DNAH11: variants seen among roughly 807,000 people sequenced by gnomAD.
DNAH11 encodes the protein axonemal beta dynein heavy chain 11.
DNAH11 carries 442 observed loss-of-function variants against 526.0 expected under a neutral mutation model. That is an observed-to-expected ratio of 0.84 (90% CI 0.78 to 0.91). DNAH11 has a LOEUF of 0.91. Among genes scored for constraint, DNAH11 ranks in the 40% least tolerant of loss-of-function variants. The pLI is 0.00. For missense variants in DNAH11, 6,989 were observed against 5,448.7 expected, an observed-to-expected ratio of 1.28 and a Z score of -8.90; for synonymous variants, 2,461 against 1,935.9, an observed-to-expected ratio of 1.27 and a Z score of -7.12.
At chr7:21,634,638 A>C (rs747715757) in intron 25 of DNAH11, among the ~76,000 whole-genome samples, 8 of 152,172 alleles carry the variant, frequency 5.3e-5, no homozygotes, top group Non-Finnish European at 1.0e-4. Context: ...AAAGAAGGGA[A>C]TGATACACAC....
chr7:21,716,911 A>T (rs1237596067), intron 42 of DNAH11, among the ~76,000 whole-genome samples: 1 of 152,224 alleles, frequency 6.6e-6, no homozygotes, highest in Non-Finnish European at 1.5e-5. Context: ...GCCGTTTGTC[A>T]GATAATCATC....
chr7:21,590,055 T>C (rs978009994), intron 12 of DNAH11, among the ~76,000 whole-genome samples: 1 of 152,194 alleles, frequency 6.6e-6, no homozygotes, highest in African/African-American at 2.4e-5. Flanking sequence ...ACAGGTCTTT[T>C]GTTAATGCAT....
intron 61 of DNAH11, among the ~76,000 whole-genome samples, chr7:21,800,490 G>C (rs1482279194): frequency 1.3e-5 from 2 of 152,016 alleles, no homozygotes; most frequent in African/African-American, 4.8e-5. Context: ...AAATTAGCCG[G>C]GTGTGGTGGT....
At chr7:21,620,660 C>T (rs1160627994) in intron 25 of DNAH11, among the ~76,000 whole-genome samples, 2 of 150,676 alleles carry the variant, frequency 1.3e-5, no homozygotes, top group African/African-American at 4.9e-5. Context: ...GTGTGCTGCA[C>T]CCATTAACTC....
At chr7:21,877,099 T>G (rs755427739) in intron 74 of DNAH11, among the ~76,000 whole-genome samples, 11 of 152,234 alleles carry the variant, frequency 7.2e-5, no homozygotes, top group African/African-American at 2.4e-5. Flanking sequence ...GTTACCCATA[T>G]GGGTTAGGTA....
At chr7:21,728,409 C>G (rs1454857446) in intron 45 of DNAH11, among the ~76,000 whole-genome samples, 2 of 151,908 alleles carry the variant, frequency 1.3e-5, no homozygotes, top group African/African-American at 4.8e-5. Context: ...AGGCAACCCA[C>G]CACCATGCCC....
At position 21,654,080 on chromosome 7, in the gene DNAH11, AT is replaced by A. The variant is rs374988669; in HGVS notation, c.4945-1745del. Among the ~76,000 whole-genome samples, 1,290 of 151,968 alleles carry A rather than the reference AT, an allele frequency of 8.5e-3. 47 individuals are homozygous for A. The highest frequency in any genetic ancestry group is 0.08 in the South Asian group (386 of 4,806). On this transcript the variant is annotated intron_variant, in intron 28 of 81. Coordinates refer to ENST00000409508, the MANE Select transcript of DNAH11 (RefSeq NM_001277115.2). ...TTCTGGTTATCAGCAGCTCATATTT[AT>A]TTTTTTCTGTTGAGGTGAAATTTAA...
At chr7:21,665,445 G>C (rs569413616) in intron 30 of DNAH11, among the ~76,000 whole-genome samples, 55 of 152,180 alleles carry the variant, frequency 3.6e-4, no homozygotes, top group Non-Finnish European at 7.2e-4. Flanking sequence ...AAAATTGCTA[G>C]ATCAAAGCCT....
chr7:21,773,642 G>C, intron 55 of DNAH11, 124 bp from the exon 56 acceptor site: 1 of 721,702 alleles, frequency 1.4e-6, no homozygotes, highest in Non-Finnish European at 2.2e-6. Flanking sequence ...ATAAGTTTTC[G>C]TAGGTTATAC....
At chr7:21,713,581 T>C (rs1784541527) in intron 42 of DNAH11, among the ~76,000 whole-genome samples, 1 of 152,184 alleles carries the variant, frequency 6.6e-6, no homozygotes, top group African/African-American at 2.4e-5. Context: ...GGCATGGTAC[T>C]GTCCCTTCCA....
intron 35 of DNAH11, among the ~76,000 whole-genome samples, chr7:21,693,245 C>A (rs551991199): frequency 6.6e-6 from 1 of 152,198 alleles, no homozygotes; most frequent in East Asian, 1.9e-4. Context: ...CTCCTTTATT[C>A]TGTTAATGTG....
intron 44 of DNAH11, among the ~76,000 whole-genome samples, chr7:21,725,595 A>C (rs765083925): frequency 6.6e-6 from 1 of 152,220 alleles, no homozygotes; most frequent in Non-Finnish European, 1.5e-5. Flanking sequence ...AATTTGCATA[A>C]TACGTTGTCA....
chr7:21,561,026 C>A (rs746409984), intron 4 of DNAH11, 45 bp from the exon 5 acceptor site: 1 of 1,325,238 alleles, frequency 7.5e-7, no homozygotes, highest in Non-Finnish European at 1.1e-6. Flanking sequence ...ATTTAGTAAT[C>A]GAGTTTATAT....
chr7:21,756,845 T>C (rs1167400859), intron 54 of DNAH11, among the ~76,000 whole-genome samples: 1 of 152,240 alleles, frequency 6.6e-6, no homozygotes, highest in East Asian at 1.9e-4. Flanking sequence ...AGCATCTTTA[T>C]AATAATTGAC....
At chr7:21,710,287 C>T (rs1020460835) in intron 40 of DNAH11, among the ~76,000 whole-genome samples, 3 of 152,096 alleles carry the variant, frequency 2.0e-5, no homozygotes, top group Non-Finnish European at 4.4e-5. Context: ...CACAACTGTT[C>T]ATGAAGGAAG....
At chr7:21,688,649 C>G (rs1261879480) in intron 34 of DNAH11, among the ~76,000 whole-genome samples, 1 of 152,210 alleles carries the variant, frequency 6.6e-6, no homozygotes, top group Non-Finnish European at 1.5e-5. Context: ...AAATCTTAGT[C>G]CTTCCACCAA....
Position 21,637,710 on chromosome 7 carries a change from T to C in DNAH11, c.4817+8T>C. On this transcript the variant is annotated splice_region_variant and intron_variant, in intron 27 of 81. Coordinates refer to ENST00000409508, the MANE Select transcript of DNAH11 (RefSeq NM_001277115.2). Reference sequence around the variant, plus strand: ...TAAAGATTTACAGTCCAGGTAAGAATAAAGCTATATAAGATAATCAATTTA... The same window carrying C: ...TAAAGATTTACAGTCCAGGTAAGAACAAAGCTATATAAGATAATCAATTTA... 6.7e-7 allele frequency: 1 copy of C among 1,486,004 alleles called. No individual in the cohort carries two copies. The highest frequency in any genetic ancestry group is 2.4e-5 in the East Asian group (1 of 41,226). The allele number at this position is 1,486,004 out of a possible 1,614,324, so 92.1% of individuals were successfully genotyped here.
At chr7:21,572,832 C>A (rs1783945653) in intron 8 of DNAH11, among the ~76,000 whole-genome samples, 1 of 152,084 alleles carries the variant, frequency 6.6e-6, no homozygotes. Context: ...TTTTGCTAAA[C>A]CAGGGCACTA....
chr7:21,633,954 TG>T (rs1228181567), intron 25 of DNAH11, among the ~76,000 whole-genome samples: 1 of 152,198 alleles, frequency 6.6e-6, no homozygotes, highest in Admixed American at 6.5e-5. Context: ...ATTTTCTTTA[TG>T]GGGGTAGTGA....
Sources: gnomAD v4.1 joint callset for allele counts (sites outside exome capture counted in the v4.1 genomes callset) on GRCh38, gnomAD v4.1.1 for gene constraint, MANE v1.5 for transcripts, NCBI Gene and HGNC (gene_info 2026-07-23, HGNC 2026-07-21) for gene names.